The following TNFRSF19 variants were observed in gnomAD, a reference collection of about 807,000 sequenced individuals.
TNFRSF19 encodes the protein TNF receptor superfamily member 19.
In TNFRSF19, 27 loss-of-function variants were observed where a neutral mutation model predicts 46.4. That is an observed-to-expected ratio of 0.58 (90% CI 0.43 to 0.80). The LOEUF is 0.80. Among genes scored for constraint, TNFRSF19 ranks in the 30% least tolerant of loss-of-function variants. TNFRSF19 has a pLI of 0.00. For synonymous variants in TNFRSF19, 204 were observed against 205.0 expected (o/e 1.00, Z 0.04); for missense variants, 511 against 530.8 (o/e 0.96, Z 0.37).
chr13:23,607,861 A>G (rs1231862061), intron 3 of TNFRSF19, among the ~76,000 whole-genome samples: 2 of 152,220 alleles, frequency 1.3e-5, no homozygotes, highest in African/African-American at 4.8e-5. Context: ...AAAGCCTGGA[A>G]GTGCTTTGGT....
At chr13:23,631,214 G>A (rs1364519167) in intron 5 of TNFRSF19, among the ~76,000 whole-genome samples, 1 of 152,108 alleles carries the variant, frequency 6.6e-6, no homozygotes, top group Non-Finnish European at 1.5e-5. Context: ...ACATTTAGTA[G>A]AAAAAAGTGA....
chr13:23,627,182 A>G (rs1414206184), intron 5 of TNFRSF19, among the ~76,000 whole-genome samples: 4 of 152,132 alleles, frequency 2.6e-5, no homozygotes, highest in Non-Finnish European at 5.9e-5. Context: ...AGACAGGATC[A>G]TATGGTGGCA....
intron 5 of TNFRSF19, among the ~76,000 whole-genome samples, chr13:23,645,157 CA>C (rs1227180446): frequency 3.3e-5 from 5 of 152,188 alleles, no homozygotes; most frequent in Non-Finnish European, 5.9e-5. Context: ...TCAGAATGTA[CA>C]AACTTGCTTT....
chr13:23,588,092 G>T (rs1878974359), intron 1 of TNFRSF19, among the ~76,000 whole-genome samples: 1 of 152,172 alleles, frequency 6.6e-6, no homozygotes. Context: ...CTTATTATGT[G>T]CCAGAAACGG....
Position 23,668,696 on chromosome 13 carries a change from G to T in TNFRSF19, c.844G>T (p.Ala282Ser), listed in dbSNP as rs750970867. ...TTCTTTTGAACGTGTGTGCAGAAAC[G>T]CAGGCCCAGCCGGGGAGATGGTGCC... The part of the protein sequence containing the change: ...HSAASLQARN[A>S]GPAGEMVPTF... Residue 282 changes from alanine to serine, a missense_variant, in exon 9 of 10, where the codon GCA (alanine) becomes TCA (serine). Coordinates refer to ENST00000248484, the MANE Select transcript of TNFRSF19 (RefSeq NM_148957.4). 6.2e-7 allele frequency: 1 copy of T among 1,612,036 alleles called. No individual in the cohort carries two copies. The highest frequency in any genetic ancestry group is 1.1e-5 in the South Asian group (1 of 90,616).
intron 2 of TNFRSF19, among the ~76,000 whole-genome samples, chr13:23,591,328 C>G (rs1879270953): frequency 6.6e-6 from 1 of 152,082 alleles, no homozygotes; most frequent in Non-Finnish European, 1.5e-5. Context: ...TGATGCACAC[C>G]TGTAATCCTA....
chr13:23,619,492 C>T (rs1881514482), intron 4 of TNFRSF19, among the ~76,000 whole-genome samples: 1 of 151,864 alleles, frequency 6.6e-6, no homozygotes, highest in African/African-American at 2.4e-5. Flanking sequence ...TATGGAAAAC[C>T]ATCCAATTGT....
intron 5 of TNFRSF19, among the ~76,000 whole-genome samples, chr13:23,643,665 C>G (rs1402603418): frequency 6.6e-6 from 1 of 152,196 alleles, no homozygotes; most frequent in Non-Finnish European, 1.5e-5. Flanking sequence ...CAATGATGGG[C>G]AGGCAGCCAG....
intron 5 of TNFRSF19, among the ~76,000 whole-genome samples, chr13:23,627,983 A>G (rs1882115427): frequency 6.6e-6 from 1 of 152,140 alleles, no homozygotes; most frequent in South Asian, 2.1e-4. Context: ...TAATAGGTAA[A>G]CATTCACCAA....
At chr13:23,654,880 A>C (rs373934840) in intron 5 of TNFRSF19, among the ~76,000 whole-genome samples, 1 of 152,230 alleles carries the variant, frequency 6.6e-6, no homozygotes, top group Non-Finnish European at 1.5e-5. Flanking sequence ...AAGGTGTGTT[A>C]GAAGCTGTGT....
At chr13:23,632,878 G>A (rs776827858) in intron 5 of TNFRSF19, among the ~76,000 whole-genome samples, 6 of 152,198 alleles carry the variant, frequency 3.9e-5, no homozygotes, top group Non-Finnish European at 8.8e-5. Flanking sequence ...GCAGCCAGAA[G>A]TGAAAGCGCA....
At chr13:23,571,681 C>T (rs1180635136) in intron 1 of TNFRSF19, among the ~76,000 whole-genome samples, 1 of 152,058 alleles carries the variant, frequency 6.6e-6, no homozygotes, top group Non-Finnish European at 1.5e-5. Context: ...GTCACATTTT[C>T]ACTTTAGCTA....
intron 5 of TNFRSF19, among the ~76,000 whole-genome samples, chr13:23,649,633 G>T (rs747889154): frequency 3.9e-5 from 6 of 151,922 alleles, no homozygotes; most frequent in Non-Finnish European, 8.8e-5. Flanking sequence ...TTTTAAAGTG[G>T]AAGGTAAAGT....
intron 9 of TNFRSF19, chr13:23,669,320 T>G: frequency 7.3e-7 from 1 of 1,367,668 alleles, no homozygotes; most frequent in Non-Finnish European, 9.4e-7. Flanking sequence ...CATTCTTTTA[T>G]TCCTCTTTGT....
rs1282614767 is a variant in TNFRSF19, at chr13:23,659,145, G to A, written c.541G>A (p.Val181Ile). 1.9e-6 allele frequency: 3 copies of A among 1,613,996 alleles called. No individual in the cohort carries two copies. Among genetic ancestry groups the A allele is most frequent in the Non-Finnish European group, 2.5e-6 (3 of 1,180,040 alleles). The change falls in exon 6 of 10, where the codon GTC (valine) becomes ATC (isoleucine). Residue 181 changes from valine to isoleucine, a missense_variant. Val to Ile is a conservative substitution (Grantham distance 29). This residue lies in a region of TNFRSF19 where 376 missense variants were observed against 372.7 expected (regional missense o/e 1.01). Coordinates refer to ENST00000248484, the MANE Select transcript of TNFRSF19 (RefSeq NM_148957.4). The surrounding 1 kb of genome is among the most constrained non-coding windows in gnomAD (Gnocchi z 4.9). The part of the protein sequence containing the change: ...AAVICSALAT[V>I]LLALLILCVI... ...CGTTATCTGCAGCGCTCTGGCCACC[G>A]TCCTGCTGGCCCTGCTCATCCTCTG...
intron 5 of TNFRSF19, among the ~76,000 whole-genome samples, chr13:23,647,286 A>G (rs186184777): frequency 8.9e-4 from 135 of 152,322 alleles, no homozygotes; most frequent in Admixed American, 2.0e-3. Flanking sequence ...TAATTTTTAT[A>G]AAGTCCGATG....
intron 4 of TNFRSF19, among the ~76,000 whole-genome samples, chr13:23,618,718 C>T (rs1056244145): frequency 6.6e-6 from 1 of 152,154 alleles, no homozygotes; most frequent in Admixed American, 6.5e-5. Flanking sequence ...CACTAGTGTT[C>T]GTAGCAGCAG....
At chr13:23,577,870 C>T (rs558174128) in intron 1 of TNFRSF19, among the ~76,000 whole-genome samples, 2 of 152,088 alleles carry the variant, frequency 1.3e-5, no homozygotes, top group African/African-American at 4.8e-5. Context: ...TGTGACTCTT[C>T]AGCCTGACAG....
chr13:23,609,124 T>C (rs994851407), intron 3 of TNFRSF19, among the ~76,000 whole-genome samples: 3 of 152,226 alleles, frequency 2.0e-5, no homozygotes, highest in East Asian at 1.9e-4. Flanking sequence ...TAGGAAAATA[T>C]ATGACAGGTC....
Sources: allele counts gnomAD v4.1 joint callset (sites outside exome capture counted in the v4.1 genomes callset), GRCh38; gene constraint gnomAD v4.1.1; regional missense constraint gnomAD v4.1.1; non-coding constraint Gnocchi (gnomAD v3.1); transcripts MANE v1.5; gene names NCBI Gene and HGNC (gene_info 2026-07-23, HGNC 2026-07-21).